The following NALF1 variants were observed in gnomAD, a reference collection of about 807,000 sequenced individuals.
The protein encoded by NALF1 is NALCN channel auxiliary factor 1.
Under a neutral mutation model 48.4 loss-of-function variants are expected in NALF1, and 3 were observed. The ratio of observed to expected loss-of-function variants is 0.06; its 90% CI spans 0.03 to 0.16. NALF1 has a LOEUF of 0.16. NALF1 is among the 10% of genes least tolerant of loss of function. The pLI, the probability that NALF1 is intolerant of heterozygous loss-of-function variation, is 1.00. For synonymous variants in NALF1, 262 were observed against 245.7 expected, an observed-to-expected ratio of 1.07 and a Z score of -0.62; for missense variants, 526 against 571.5, an observed-to-expected ratio of 0.92 and a Z score of 0.81.
intron 1 of NALF1, among the ~76,000 whole-genome samples, chr13:107,805,736 TA>T (rs1294218495): frequency 1.3e-5 from 2 of 152,204 alleles, no homozygotes; most frequent in African/African-American, 4.8e-5. Context: ...TACACAGAAA[TA>T]AATTATTTTC....
chr13:107,715,663 C>T (rs897672433), intron 1 of NALF1, among the ~76,000 whole-genome samples: 6 of 152,100 alleles, frequency 3.9e-5, no homozygotes, highest in East Asian at 1.9e-4. Flanking sequence ...TGACAGGTTG[C>T]AATGCAAGGG....
chr13:107,631,727 A>G (rs1370977406), intron 1 of NALF1, among the ~76,000 whole-genome samples: 1 of 152,132 alleles, frequency 6.6e-6, no homozygotes, highest in African/African-American at 2.4e-5. Flanking sequence ...TTTCTTTATG[A>G]TAAGCCTCTA....
intron 1 of NALF1, among the ~76,000 whole-genome samples, chr13:107,772,264 C>T (rs773962311): frequency 1.5e-4 from 23 of 152,006 alleles, no homozygotes; most frequent in Non-Finnish European, 2.9e-4. Context: ...CTTTGCACTG[C>T]GGACTTGCCC....
intron 1 of NALF1, among the ~76,000 whole-genome samples, chr13:107,535,675 C>T (rs568246413): frequency 6.6e-5 from 10 of 152,194 alleles, no homozygotes; most frequent in African/African-American, 2.4e-4. Flanking sequence ...AGATTTAATG[C>T]CATCCCCATC....
intron 1 of NALF1, among the ~76,000 whole-genome samples, chr13:107,247,340 A>G (rs564929217): frequency 6.6e-6 from 1 of 152,202 alleles, no homozygotes; most frequent in Non-Finnish European, 1.5e-5. Context: ...AAATTCCTGG[A>G]AAGATGACAA....
chr13:107,486,717 CT>C (rs1885335252), intron 1 of NALF1, among the ~76,000 whole-genome samples: 1 of 152,062 alleles, frequency 6.6e-6, no homozygotes, highest in Non-Finnish European at 1.5e-5. Context: ...CTCATTTTTC[CT>C]GAGAAAGAAG....
chr13:107,589,077 T>A (rs111704269), intron 1 of NALF1, among the ~76,000 whole-genome samples: 2 of 152,088 alleles, frequency 1.3e-5, no homozygotes, highest in Middle Eastern at 3.2e-3. Flanking sequence ...TTTTTGTTTA[T>A]GGTTTTCCTT....
At chr13:107,560,693 A>G (rs1877620511) in intron 1 of NALF1, among the ~76,000 whole-genome samples, 1 of 152,128 alleles carries the variant, frequency 6.6e-6, no homozygotes, top group Non-Finnish European at 1.5e-5. Context: ...ACACACTCAC[A>G]CAGAGGTATT....
chr13:107,800,059 G>GC (rs371548070), intron 1 of NALF1, among the ~76,000 whole-genome samples: 76 of 152,278 alleles, frequency 5.0e-4, no homozygotes, highest in African/African-American at 1.8e-3. Context: ...ACCAAACTAT[G>GC]CCTAATTCTT....
intron 1 of NALF1, among the ~76,000 whole-genome samples, chr13:107,628,066 G>T (rs1287447974): frequency 2.0e-5 from 3 of 152,094 alleles, no homozygotes; most frequent in Non-Finnish European, 4.4e-5. Flanking sequence ...ACACAGATCA[G>T]ACATTCTCTG....
intron 2 of NALF1, among the ~76,000 whole-genome samples, chr13:107,187,987 T>A (rs1008078596): frequency 6.6e-6 from 1 of 152,212 alleles, no homozygotes; most frequent in East Asian, 1.9e-4. Flanking sequence ...TCTCATTTTA[T>A]GGTTTTTCAT....
At chr13:107,711,691 G>A (rs1408399139) in intron 1 of NALF1, among the ~76,000 whole-genome samples, 1 of 152,102 alleles carries the variant, frequency 6.6e-6, no homozygotes, top group East Asian at 1.9e-4. Context: ...AGGTCTGTGT[G>A]GTAGATTTTC....
chr13:107,700,718 G>T (rs539362584), intron 1 of NALF1, among the ~76,000 whole-genome samples: 5 of 152,142 alleles, frequency 3.3e-5, no homozygotes, highest in African/African-American at 1.2e-4. Flanking sequence ...AAAAATGTTT[G>T]CAAACCCCAT....
Position 107,168,891 on chromosome 13 carries a change from CTCAG to C in NALF1, c.*1602_*1605del, listed in dbSNP as rs1429865545. 1 of 152,570 alleles carries C rather than the reference CTCAG, an allele frequency of 6.6e-6. No homozygotes were observed. Among genetic ancestry groups the C allele is most frequent in the Non-Finnish European group, 1.5e-5 (1 of 68,020 alleles). The allele number at this position is 152,570 out of a possible 1,614,324, so 9.5% of individuals were successfully genotyped here. ...CCTTTTCTATGGATTTCCTTCATCTCTCAGTCACACTGCAAACTTATCTGAAGTG... is the reference window on the plus strand; with the variant it reads ...CCTTTTCTATGGATTTCCTTCATCTCTCACACTGCAAACTTATCTGAAGTG... On this transcript the variant is annotated 3_prime_UTR_variant, in exon 3 of 3. Transcript: ENST00000375915.
chr13:107,748,210 A>G (rs1369381722), intron 1 of NALF1, among the ~76,000 whole-genome samples: 1 of 152,202 alleles, frequency 6.6e-6, no homozygotes, highest in African/African-American at 2.4e-5. Flanking sequence ...ACCAAGTAAT[A>G]ATAGTCAATC....
At chr13:107,618,082 G>T (rs961275811) in intron 1 of NALF1, among the ~76,000 whole-genome samples, 4 of 152,110 alleles carry the variant, frequency 2.6e-5, no homozygotes, top group Non-Finnish European at 5.9e-5. Context: ...GCTATTGACA[G>T]ATCAGGCTAA....
At chr13:107,632,395 A>G (rs900278167) in intron 1 of NALF1, among the ~76,000 whole-genome samples, 1 of 152,122 alleles carries the variant, frequency 6.6e-6, no homozygotes, top group Non-Finnish European at 1.5e-5. Context: ...TCCTTGGCTG[A>G]TATCTGCAGA....
chr13:107,340,651 G>A (rs1159772294), intron 1 of NALF1, among the ~76,000 whole-genome samples: 1 of 151,820 alleles, frequency 6.6e-6, no homozygotes, highest in Non-Finnish European at 1.5e-5. Context: ...AGGATGTCCA[G>A]GGCCATGAGA....
intron 1 of NALF1, among the ~76,000 whole-genome samples, chr13:107,590,797 A>C (rs1878583324): frequency 6.6e-6 from 1 of 151,992 alleles, no homozygotes; most frequent in Non-Finnish European, 1.5e-5. Context: ...AGAAGAGGCC[A>C]AGCACCTTTC....
Sources: allele counts gnomAD v4.1 joint callset (sites outside exome capture counted in the v4.1 genomes callset), GRCh38; gene constraint gnomAD v4.1.1; transcripts MANE v1.5; gene names NCBI Gene and HGNC (gene_info 2026-07-23, HGNC 2026-07-21).